SORL1: variants seen among roughly 807,000 people sequenced by gnomAD.
SORL1 encodes sortilin-related receptor.
Under a neutral mutation model 273.7 loss-of-function variants are expected in SORL1, and 127 were observed. The observed-to-expected ratio is 0.46, with a 90% CI of 0.40 to 0.54. The LOEUF is 0.54. SORL1 is among the 20% of genes least tolerant of loss of function. SORL1 has a pLI of 0.00. For synonymous variants in SORL1, 1,031 were observed against 1,067.4 expected, an observed-to-expected ratio of 0.97 and a Z score of 0.66; for missense variants, 2,494 against 2,846.1, an observed-to-expected ratio of 0.88 and a Z score of 2.81.
chr11:121,459,782 T>C (rs964178371), intron 1 of SORL1, among the ~76,000 whole-genome samples: 4 of 152,234 alleles, frequency 2.6e-5, no homozygotes, highest in Non-Finnish European at 4.4e-5. Context: ...TTTTGTTGAC[T>C]TACCTTGATG....
At chr11:121,561,344 A>G (rs573417772) in intron 21 of SORL1, among the ~76,000 whole-genome samples, 12 of 152,260 alleles carry the variant, frequency 7.9e-5, no homozygotes, top group African/African-American at 2.9e-4. Flanking sequence ...GCAGTGCGGG[A>G]GGAGAGAGTT....
chr11:121,586,693 T>TGGGGGGGGGGGGGGGGG (rs376563096), intron 27 of SORL1, among the ~76,000 whole-genome samples: 2 of 97,160 alleles, frequency 2.1e-5, no homozygotes, highest in African/African-American at 3.9e-5. Flanking sequence ...GGGGGTAGAG[T>TGGGGGGGGGGGGGGGGG]GGGGGGGGGG....
In SORL1 at chr11:121,567,022, G is replaced by A. The variant is rs1351404321; in HGVS notation, c.3132G>A (p.Glu1044=). The change falls in exon 22 of 48, where the codon GAG becomes GAA. Residue 1044 remains glutamate (E), a synonymous_variant. Coordinates refer to ENST00000260197, the MANE Select transcript of SORL1 (RefSeq NM_003105.6). ...ACAGTAGAAGCTGCAGGTGTCCAGA[G>A]GATGTGTCCAGCAGTGTGCTTCCAT... ...ANNSRSCRCP[E]DVSSSVLPSG... The A allele has an allele frequency of 5.7e-5, 92 of 1,614,204 alleles. 1 individual carries two copies. The highest frequency in any genetic ancestry group is 7.7e-5 in the Non-Finnish European group (91 of 1,180,020).
chr11:121,513,096 C>T lies in SORL1; in HGVS notation c.1033C>T (p.Pro345Ser), dbSNP rs867605753. Residue 345 changes from proline to serine, a missense_variant, in exon 7 of 48, where the codon CCT (proline) becomes TCT (serine). Pro to Ser is a moderately conservative substitution (Grantham distance 74). This residue lies in a region of SORL1 where 710 missense variants were observed against 882.5 expected (regional missense o/e 0.80). Transcript: ENST00000260197. Reference protein sequence around the residue: ...MRAAQFVTRHPINEYYIADAS... With the variant: ...MRAAQFVTRHSINEYYIADAS... ...AGCAGCCCAGTTTGTCACAAGACATCCTATTAATGTGAGTGGGGTCTGCTT... is the reference window on the plus strand; with the variant it reads ...AGCAGCCCAGTTTGTCACAAGACATTCTATTAATGTGAGTGGGGTCTGCTT... 1 of 1,608,926 alleles carries T rather than the reference C, an allele frequency of 6.2e-7. No homozygotes were observed. The highest frequency in any genetic ancestry group is 8.5e-7 in the Non-Finnish European group (1 of 1,175,238).
At chr11:121,492,136 G>A (rs550811303) in intron 5 of SORL1, among the ~76,000 whole-genome samples, 32 of 152,208 alleles carry the variant, frequency 2.1e-4, no homozygotes, top group African/African-American at 7.0e-4. Context: ...CGAGGTGGGT[G>A]GACCATCTGA....
At chr11:121,600,985 T>C (rs1863380062) in intron 32 of SORL1, among the ~76,000 whole-genome samples, 1 of 151,948 alleles carries the variant, frequency 6.6e-6, no homozygotes, top group Non-Finnish European at 1.5e-5. Context: ...CATGCTAGTG[T>C]GCTGCACCCA....
chr11:121,519,185 A>G (rs1174630019), intron 8 of SORL1, among the ~76,000 whole-genome samples: 1 of 151,866 alleles, frequency 6.6e-6, no homozygotes, highest in East Asian at 1.9e-4. Context: ...TGACCTTGTG[A>G]TCTGCCCCCT....
rs768761600 is a variant in SORL1 at position 121,619,741 on chromosome 11, C to G, written c.5725-12C>G. ...ATGTATTTTTTTTCCTACGTGTGTG[C>G]TTGGGCTTCAGGTCCGTGTAGTGGT... On this transcript the variant is annotated splice_polypyrimidine_tract_variant and intron_variant, in intron 42 of 47. Coordinates refer to ENST00000260197, the MANE Select transcript of SORL1 (RefSeq NM_003105.6). 1.7e-5 allele frequency: 28 copies of G among 1,603,288 alleles called. No individual in the cohort carries two copies. The highest frequency in any genetic ancestry group is 1.3e-5 in the Non-Finnish European group (15 of 1,172,390).
At chr11:121,624,100 G>A (rs962925646) in intron 45 of SORL1, among the ~76,000 whole-genome samples, 3 of 152,174 alleles carry the variant, frequency 2.0e-5, no homozygotes, top group Non-Finnish European at 2.9e-5. Context: ...CAGTATAGGG[G>A]AAGCCGCACC....
intron 23 of SORL1, 50 bp downstream of exon 23, chr11:121,570,320 G>C (rs777778691): frequency 6.9e-7 from 1 of 1,442,452 alleles, no homozygotes. Context: ...TCAGAAGCCT[G>C]GTTGGCTCTT....
At chr11:121,480,227 C>T (rs1861350992) in intron 3 of SORL1, among the ~76,000 whole-genome samples, 1 of 152,004 alleles carries the variant, frequency 6.6e-6, no homozygotes, top group African/African-American at 2.4e-5. Flanking sequence ...GTTAATTAGC[C>T]AGATTTAACC....
At chr11:121,614,597 AG>A (rs772367662) in intron 40 of SORL1, 5 of 337,500 alleles carry the variant, frequency 1.5e-5, no homozygotes, top group Non-Finnish European at 2.7e-5. Context: ...TTGTTATACA[AG>A]GCCAAATGGC....
intron 12 of SORL1, among the ~76,000 whole-genome samples, chr11:121,539,964 C>A (rs1862322595): frequency 6.6e-6 from 1 of 152,134 alleles, no homozygotes; most frequent in South Asian, 2.1e-4. Flanking sequence ...ACTGACCCAC[C>A]AGTCTGCCAA....
chr11:121,558,196 A>G (rs1053463437), intron 19 of SORL1, among the ~76,000 whole-genome samples: 1 of 152,232 alleles, frequency 6.6e-6, no homozygotes, highest in Non-Finnish European at 1.5e-5. Context: ...TAGTGTAGTT[A>G]CTATTCTGTA....
chr11:121,611,892 G>T (rs1331082815), intron 39 of SORL1: 1 of 152,372 alleles, frequency 6.6e-6, no homozygotes, highest in Admixed American at 6.5e-5. Flanking sequence ...TGTAATCCCA[G>T]CACTTTGGGA....
chr11:121,572,497 C>T (rs1291882634), intron 23 of SORL1, among the ~76,000 whole-genome samples: 4 of 152,220 alleles, frequency 2.6e-5, no homozygotes, highest in African/African-American at 9.6e-5. Context: ...GAGGAGGAAC[C>T]AGAAGGATTT....
chr11:121,621,004 A>G, intron 43 of SORL1, 60 bp from the exon 44 acceptor site: 1 of 1,289,850 alleles, frequency 7.8e-7, no homozygotes, highest in Non-Finnish European at 1.1e-6. Flanking sequence ...CCATTGAACT[A>G]CAAAGAGTGA....
chr11:121,538,285 A>G (rs1477796521), intron 12 of SORL1, among the ~76,000 whole-genome samples: 1 of 151,998 alleles, frequency 6.6e-6, no homozygotes, highest in Non-Finnish European at 1.5e-5. Context: ...CAAGATGTAG[A>G]GTATTTCCAT....
intron 6 of SORL1, among the ~76,000 whole-genome samples, chr11:121,498,116 T>C (rs1861658047): frequency 6.6e-6 from 1 of 152,264 alleles, no homozygotes. Context: ...CATTAGCCTA[T>C]GGCAGTTTTT....
Sources: gnomAD v4.1 joint callset for allele counts (sites outside exome capture counted in the v4.1 genomes callset) on GRCh38, gnomAD v4.1.1 for gene constraint, gnomAD v4.1.1 regional missense constraint, MANE v1.5 for transcripts, NCBI Gene and HGNC (gene_info 2026-07-23, HGNC 2026-07-21) for gene names.